Variants in DLG2 observed in about 807,000 individuals in gnomAD.
The protein encoded by DLG2 is discs large MAGUK scaffold protein 2, also known as disks large homolog 2.
A neutral mutation model predicts 132.5 loss-of-function variants in DLG2; 45 were observed. The ratio of observed to expected loss-of-function variants is 0.34; its 90% confidence interval spans 0.27 to 0.44. DLG2 has a LOEUF of 0.44. Among genes scored for constraint, DLG2 ranks in the 20% least tolerant of loss-of-function variants. The probability of loss-of-function intolerance (pLI) is 1.00; values close to 1 mark genes in which losing one functional copy is unlikely to be tolerated. For synonymous variants in DLG2, 424 were observed against 419.6 expected, an observed-to-expected ratio of 1.01 and a Z score of -0.13; for missense variants, 1,045 against 1,196.9, an observed-to-expected ratio of 0.87 and a Z score of 1.87.
chr11:84,764,264 C>T (rs763251232), intron 6 of DLG2, among the ~76,000 whole-genome samples: 14 of 152,220 alleles, frequency 9.2e-5, no homozygotes, highest in Non-Finnish European at 1.6e-4. Flanking sequence ...CTACCTGACT[C>T]TAATTTTCCC....
chr11:83,704,654 TAAA>T (rs769615246), intron 18 of DLG2, among the ~76,000 whole-genome samples: 17 of 105,968 alleles, frequency 1.6e-4, no homozygotes, highest in African/African-American at 5.0e-4. Context: ...CCGTCTCTAC[TAAA>T]AAAAAAAAAA....
chr11:85,393,008 G>A (rs1283740277), intron 3 of DLG2, among the ~76,000 whole-genome samples: 1 of 152,108 alleles, frequency 6.6e-6, no homozygotes, highest in East Asian at 1.9e-4. Context: ...CTTTTGCACA[G>A]CAATATAAAT....
intron 12 of DLG2, among the ~76,000 whole-genome samples, chr11:83,978,883 T>A (rs1336001404): frequency 1.3e-5 from 2 of 152,118 alleles, no homozygotes; most frequent in Non-Finnish European, 2.9e-5. Flanking sequence ...CAAGAGGCAG[T>A]ATAGCTTGGT....
At chr11:84,224,985 C>T (rs944233037) in intron 8 of DLG2, among the ~76,000 whole-genome samples, 1 of 152,206 alleles carries the variant, frequency 6.6e-6, no homozygotes, top group Admixed American at 6.5e-5. Flanking sequence ...CTTTCCTGAA[C>T]TCCTAAACAA....
At chr11:84,415,988 C>T (rs1373983575) in intron 7 of DLG2, among the ~76,000 whole-genome samples, 1 of 152,106 alleles carries the variant, frequency 6.6e-6, no homozygotes, top group East Asian at 1.9e-4. Flanking sequence ...ATTTTAATTA[C>T]TATTTTGGGT....
intron 3 of DLG2, among the ~76,000 whole-genome samples, chr11:85,551,374 T>C (rs2076655083): frequency 6.6e-6 from 1 of 152,178 alleles, no homozygotes; most frequent in African/African-American, 2.4e-5. Context: ...TTTCTAAATA[T>C]AATTTTTTTC....
chr11:84,850,160 G>A (rs572301862), intron 6 of DLG2, among the ~76,000 whole-genome samples: 5 of 152,192 alleles, frequency 3.3e-5, no homozygotes, highest in African/African-American at 9.6e-5. Context: ...AATGCTGCTT[G>A]AAGATATATG....
chr11:85,068,026 T>C (rs966760065), intron 6 of DLG2, among the ~76,000 whole-genome samples: 1 of 151,966 alleles, frequency 6.6e-6, no homozygotes, highest in Non-Finnish European at 1.5e-5. Flanking sequence ...TAACCCAGCA[T>C]ATAAACAGAA....
At chr11:83,583,695 G>A (rs928235111) in intron 19 of DLG2, among the ~76,000 whole-genome samples, 1 of 152,132 alleles carries the variant, frequency 6.6e-6, no homozygotes, top group African/African-American at 2.4e-5. Context: ...TGGACGATAA[G>A]TTTCTTGAGA....
chr11:83,582,713 G>A, intron 19 of DLG2, among the ~76,000 whole-genome samples: 1 of 152,204 alleles, frequency 6.6e-6, no homozygotes, highest in East Asian at 1.9e-4. Flanking sequence ...TATTAATAAT[G>A]ATAGTTCTTC....
intron 6 of DLG2, among the ~76,000 whole-genome samples, chr11:85,048,256 T>C (rs781189203): frequency 6.6e-6 from 1 of 151,948 alleles, no homozygotes; most frequent in Non-Finnish European, 1.5e-5. Context: ...CTGTTAATTG[T>C]CCTTCTATGC....
At chr11:83,835,136 G>C (rs1235758204) in intron 16 of DLG2, among the ~76,000 whole-genome samples, 3 of 152,178 alleles carry the variant, frequency 2.0e-5, no homozygotes, top group African/African-American at 7.2e-5. Flanking sequence ...GAGGTAAAGT[G>C]ACATAGAGTT....
chr11:83,766,095 C>CT (rs35863223), intron 18 of DLG2, among the ~76,000 whole-genome samples: 2,192 of 133,654 alleles, frequency 0.016, 16 homozygotes, highest in East Asian at 0.024. Context: ...CCACTGAATG[C>CT]TTTTTTTTTT....
chr11:85,016,514 C>T (rs2154137745), intron 6 of DLG2, among the ~76,000 whole-genome samples: 2 of 152,108 alleles, frequency 1.3e-5, no homozygotes, highest in Admixed American at 1.3e-4. Context: ...TACTGTGATT[C>T]TTCAGGTGCA....
At chr11:83,748,640 C>T (rs533746130) in intron 18 of DLG2, among the ~76,000 whole-genome samples, 1 of 152,304 alleles carries the variant, frequency 6.6e-6, no homozygotes, top group Non-Finnish European at 1.5e-5. Context: ...TCAAGGAAGG[C>T]TTCACTAAGA....
intron 3 of DLG2, among the ~76,000 whole-genome samples, chr11:85,457,738 C>A (rs2092468273): frequency 6.6e-6 from 1 of 152,162 alleles, no homozygotes; most frequent in Non-Finnish European, 1.5e-5. Context: ...AAATTATTTT[C>A]CTTAAGAATG....
chr11:84,690,994 A>G (rs17740852), intron 6 of DLG2, among the ~76,000 whole-genome samples: 10,608 of 151,948 alleles, frequency 0.07, 494 homozygotes, highest in Middle Eastern at 0.11. Flanking sequence ...GTAAGACAAA[A>G]TGTTATTAAT....
At chr11:84,420,045 G>A (rs1345834968) in intron 7 of DLG2, among the ~76,000 whole-genome samples, 2 of 152,294 alleles carry the variant, frequency 1.3e-5, no homozygotes, top group East Asian at 3.9e-4. Flanking sequence ...ACAATGAAAG[G>A]TAATTAGAGA....
intron 18 of DLG2, among the ~76,000 whole-genome samples, chr11:83,708,966 G>T (rs2084709649): frequency 6.6e-6 from 1 of 152,058 alleles, no homozygotes; most frequent in African/African-American, 2.4e-5. Context: ...ATAGTCTCTA[G>T]TATGAGGCTG....
Sources: allele counts gnomAD v4.1 joint callset (sites outside exome capture counted in the v4.1 genomes callset), GRCh38; gene constraint gnomAD v4.1.1; transcripts MANE v1.5; gene names NCBI Gene and HGNC (gene_info 2026-07-23, HGNC 2026-07-21).